RAP1GAP2: variants seen among roughly 807,000 people sequenced by gnomAD.
RAP1GAP2 encodes RAP1 GTPase activating protein 2.
In RAP1GAP2, 27 loss-of-function variants were observed where a neutral mutation model predicts 95.0. The ratio of observed to expected loss-of-function variants is 0.28; its 90% confidence interval spans 0.21 to 0.39. RAP1GAP2 has a LOEUF of 0.39. Among genes scored for constraint, RAP1GAP2 ranks in the 10% least tolerant of loss-of-function variants. The pLI is 1.00. For synonymous variants in RAP1GAP2, 373 were observed against 380.9 expected (o/e 0.98, Z 0.24); for missense variants, 771 against 970.0 (o/e 0.79, Z 2.72).
chr17:2,858,928 C>T (rs1439484668), intron 2 of RAP1GAP2, among the ~76,000 whole-genome samples: 1 of 151,760 alleles, frequency 6.6e-6, no homozygotes, highest in African/African-American at 2.4e-5. Context: ...TAAAAAAACC[C>T]CCGTAACACT....
chr17:2,970,915 G>C (rs565751693), intron 8 of RAP1GAP2, among the ~76,000 whole-genome samples: 1 of 151,972 alleles, frequency 6.6e-6, no homozygotes, highest in South Asian at 2.1e-4. Flanking sequence ...CACACCTGTG[G>C]TCCCAGCTAC....
At chr17:2,961,996 G>A (rs140486522) in intron 4 of RAP1GAP2, among the ~76,000 whole-genome samples, 4,667 of 151,268 alleles carry the variant, frequency 0.031, 227 homozygotes, top group African/African-American at 0.11. Flanking sequence ...TCTGCCTCCC[G>A]GGTTCAAGCA....
At chr17:2,826,711 G>A (rs1465087540) in intron 2 of RAP1GAP2, among the ~76,000 whole-genome samples, 3 of 152,088 alleles carry the variant, frequency 2.0e-5, no homozygotes, top group Non-Finnish European at 4.4e-5. Context: ...CGTGCAGCAT[G>A]AAAGGAGGAT....
At chr17:2,846,538 G>A (rs769061921) in intron 2 of RAP1GAP2, among the ~76,000 whole-genome samples, 6 of 152,090 alleles carry the variant, frequency 3.9e-5, no homozygotes, top group Non-Finnish European at 8.8e-5. Flanking sequence ...AGCCTCCCGA[G>A]TAGCTGGGAT....
chr17:2,861,600 T>C (rs1407631262), intron 2 of RAP1GAP2, among the ~76,000 whole-genome samples: 1 of 150,994 alleles, frequency 6.6e-6, no homozygotes, highest in African/African-American at 2.4e-5. Flanking sequence ...CCCAAGTAGC[T>C]GGGATTACTG....
chr17:2,927,965 C>G (rs1462176464), intron 3 of RAP1GAP2, among the ~76,000 whole-genome samples: 1 of 152,202 alleles, frequency 6.6e-6, no homozygotes, highest in Non-Finnish European at 1.5e-5. Flanking sequence ...GAATATGTGC[C>G]TAAGCATTTC....
chr17:2,981,457 C>G (rs2045353815), intron 10 of RAP1GAP2, among the ~76,000 whole-genome samples: 2 of 152,204 alleles, frequency 1.3e-5, no homozygotes, highest in African/African-American at 2.4e-5. Flanking sequence ...TCCAGCCCAG[C>G]TGAATTGGTC....
intron 17 of RAP1GAP2, among the ~76,000 whole-genome samples, chr17:3,017,259 C>T (rs2046799882): frequency 6.6e-6 from 1 of 152,100 alleles, no homozygotes; most frequent in Admixed American, 6.5e-5. Flanking sequence ...TGGTGGTCCT[C>T]TCCTGGGTAC....
rs1345568161 is a variant in RAP1GAP2 at position 2,827,420 on chromosome 17, G to A, written c.80+26870G>A. Reference sequence around the variant, plus strand: ...GGTTTCAGACAGTGCCCAGTCCTGCGAAGGAAATAGAACAGTGAGGCGATG... The same window carrying A: ...GGTTTCAGACAGTGCCCAGTCCTGCAAAGGAAATAGAACAGTGAGGCGATG... On this transcript the variant is annotated intron_variant, in intron 2 of 24. Transcript: ENST00000254695. The surrounding 1 kb of genome is among the most constrained non-coding windows in gnomAD (Gnocchi z 4.1). Among the ~76,000 whole-genome samples, 1 of 148,944 alleles carries A rather than the reference G, an allele frequency of 6.7e-6. No homozygotes were observed. The highest frequency in any genetic ancestry group is 6.7e-5 in the Admixed American group (1 of 14,938).
At chr17:2,957,607 C>CA (rs978809351) in intron 3 of RAP1GAP2, among the ~76,000 whole-genome samples, 152 bp from the exon 4 acceptor site, 1 of 152,212 alleles carries the variant, frequency 6.6e-6, no homozygotes, top group Non-Finnish European at 1.5e-5. Flanking sequence ...CCTGCAAAGG[C>CA]AAAATCAAAT....
Position 2,899,229 on chromosome 17 carries a change from G to A in RAP1GAP2, c.81-6055G>A, listed in dbSNP as rs2041941901. On this transcript the variant is annotated intron_variant, in intron 2 of 24. Coordinates refer to ENST00000254695, the MANE Select transcript of RAP1GAP2 (RefSeq NM_015085.5). ...TTTTATTTTATTTTATTTTGAGACG[G>A]AGTCTCACTCTGTCACCCAGGCTGG... is the stretch of plus-strand genomic sequence containing the variant. 2.6e-5 allele frequency among the ~76,000 whole-genome samples: 4 copies of A among 152,188 alleles called. No homozygotes were observed. In the South Asian group the frequency reaches 8.3e-4, roughly 32 times the overall value.
chr17:3,002,914 T>C (rs2046211481), intron 14 of RAP1GAP2, among the ~76,000 whole-genome samples: 1 of 151,940 alleles, frequency 6.6e-6, no homozygotes, highest in Non-Finnish European at 1.5e-5. Context: ...GTGTGTGTGG[T>C]GGGTTGCAAG....
chr17:3,020,470 T>C lies in RAP1GAP2; in HGVS notation c.1633-7T>C. 6.2e-7 allele frequency: 1 copy of C among 1,611,738 alleles called. No individual in the cohort carries two copies. Among genetic ancestry groups the C allele is most frequent in the Non-Finnish European group, 8.5e-7 (1 of 1,178,686 alleles). Reference sequence around the variant, plus strand: ...GGGAGCACTCATTTTGGCAATTTCATCGACAGCCTCCAGTGGTGGCGGCAA... The same window carrying C: ...GGGAGCACTCATTTTGGCAATTTCACCGACAGCCTCCAGTGGTGGCGGCAA... On this transcript the variant is annotated splice_region_variant and splice_polypyrimidine_tract_variant and intron_variant, in intron 18 of 24. Transcript: ENST00000254695.
At chr17:2,899,654 A>T (rs2041959835) in intron 2 of RAP1GAP2, among the ~76,000 whole-genome samples, 1 of 151,892 alleles carries the variant, frequency 6.6e-6, no homozygotes, top group Admixed American at 6.6e-5. Flanking sequence ...GGGACTACAG[A>T]CATGCGCCAT....
chr17:2,998,335 G>T lies in RAP1GAP2; in HGVS notation c.1159G>T (p.Val387Leu), dbSNP rs761439874. The part of the protein sequence containing the change: ...ASNFLHAYIV[V>L]QVETPGTETP... ...CAATTTCTTACATGCCTACATCGTCGTGCAGGTCGAGACCCCAGGCACAGA... is the reference window on the plus strand; with the variant it reads ...CAATTTCTTACATGCCTACATCGTCTTGCAGGTCGAGACCCCAGGCACAGA... The change falls in exon 14 of 25, where the codon GTG becomes TTG. Residue 387 changes from valine (V) to leucine (L), a missense_variant. Transcript: ENST00000254695. The T allele has an allele frequency of 4.3e-6, 7 of 1,613,992 alleles. No individual in the cohort carries two copies. Among genetic ancestry groups the T allele is most frequent in the South Asian group, 1.1e-5 (1 of 91,082 alleles).
intron 3 of RAP1GAP2, among the ~76,000 whole-genome samples, chr17:2,919,291 C>T (rs1190564235): frequency 1.4e-4 from 21 of 152,176 alleles, no homozygotes. Flanking sequence ...CTCTTGCCTT[C>T]TGAATCTGAC....
chr17:2,853,169 C>T (rs1239358430), intron 2 of RAP1GAP2, among the ~76,000 whole-genome samples: 2 of 152,092 alleles, frequency 1.3e-5, no homozygotes, highest in African/African-American at 4.8e-5. Flanking sequence ...GCCGACTCTG[C>T]GGGGAGGCGG....
At chr17:2,769,839 A>G (rs1050041923) in intron 1 of RAP1GAP2, among the ~76,000 whole-genome samples, 1 of 151,938 alleles carries the variant, frequency 6.6e-6, no homozygotes, top group Non-Finnish European at 1.5e-5. Flanking sequence ...TTGGGAGGCC[A>G]AGGCGGGTGG....
intron 2 of RAP1GAP2, among the ~76,000 whole-genome samples, chr17:2,885,292 A>C (rs2873528): frequency 0.48 from 72,902 of 151,916 alleles, 18,376 homozygotes; most frequent in Non-Finnish European, 0.56. Context: ...TCGGCCTCCC[A>C]AAGTGCTGGG....
Sources: allele counts gnomAD v4.1 joint callset (sites outside exome capture counted in the v4.1 genomes callset), GRCh38; gene constraint gnomAD v4.1.1; non-coding constraint Gnocchi (gnomAD v3.1); transcripts MANE v1.5; gene names NCBI Gene and HGNC (gene_info 2026-07-23, HGNC 2026-07-21).